Variants in EEFSEC observed in about 807,000 individuals in gnomAD.
The protein encoded by EEFSEC is eukaryotic elongation factor, selenocysteine-tRNA specific, also known as selenocysteine-specific elongation factor.
Under a neutral mutation model 42.1 loss-of-function variants are expected in EEFSEC, and 43 were observed. The observed-to-expected ratio is 1.02, with a 90% CI of 0.80 to 1.32. EEFSEC has a LOEUF of 1.32. EEFSEC is among the 40% of genes most tolerant of loss of function. The pLI, the probability that EEFSEC is intolerant of heterozygous loss-of-function variation, is 0.00. For synonymous variants in EEFSEC, 354 were observed against 339.1 expected, an observed-to-expected ratio of 1.04 and a Z score of -0.48; for missense variants, 745 against 803.6, an observed-to-expected ratio of 0.93 and a Z score of 0.88.
chr3:128,176,487 A>C (rs1002418492), intron 1 of EEFSEC, among the ~76,000 whole-genome samples: 32 of 152,306 alleles, frequency 2.1e-4, no homozygotes, highest in African/African-American at 7.5e-4. Flanking sequence ...GGGAGAGACC[A>C]GTCTGCTGGA....
intron 1 of EEFSEC, among the ~76,000 whole-genome samples, chr3:128,159,565 G>A (rs1944443231): frequency 6.6e-6 from 1 of 152,090 alleles, no homozygotes; most frequent in Non-Finnish European, 1.5e-5. Context: ...GTAAAATCCA[G>A]CCACTTTGTG....
At chr3:128,257,558 C>T (rs1475408410) in intron 2 of EEFSEC, among the ~76,000 whole-genome samples, 3 of 152,206 alleles carry the variant, frequency 2.0e-5, no homozygotes, top group Admixed American at 2.0e-4. Flanking sequence ...AACCTCCCTG[C>T]AGGTCTTTTA....
chr3:128,181,105 C>A (rs986930593), intron 1 of EEFSEC, among the ~76,000 whole-genome samples: 2 of 152,152 alleles, frequency 1.3e-5, no homozygotes, highest in African/African-American at 4.8e-5. Flanking sequence ...TGGGGACTGA[C>A]CATGTCCTTT....
Position 128,402,047 on chromosome 3 carries a change from C to G in EEFSEC, c.1601-6022C>G, listed in dbSNP as rs542313483. Among the ~76,000 whole-genome samples the G allele has an allele frequency of 3.7e-4, 57 of 152,320 alleles. 2 individuals carry two copies. In the South Asian group the frequency reaches 0.011, roughly 30 times the overall value. On this transcript the variant is annotated intron_variant, in intron 6 of 6. Coordinates refer to ENST00000254730, the MANE Select transcript of EEFSEC (RefSeq NM_021937.5). ...TGAGCAGGTTCCAGCCAGATTGCAC[C>G]GGTAGGCACCGTGCCTTCTCTGGGC...
intron 4 of EEFSEC, among the ~76,000 whole-genome samples, chr3:128,302,379 G>A (rs1328199621): frequency 6.6e-6 from 1 of 152,206 alleles, no homozygotes; most frequent in Non-Finnish European, 1.5e-5. Flanking sequence ...AGCTGGGTTA[G>A]TGCCCCTTGT....
chr3:128,278,788 G>C (rs2066494235), intron 4 of EEFSEC, among the ~76,000 whole-genome samples: 1 of 152,154 alleles, frequency 6.6e-6, no homozygotes. Flanking sequence ...GCAGGGGAGG[G>C]TATTTCTAGG....
At chr3:128,318,256 C>A (rs2066969769) in intron 4 of EEFSEC, among the ~76,000 whole-genome samples, 1 of 152,248 alleles carries the variant, frequency 6.6e-6, no homozygotes, top group African/African-American at 2.4e-5. Flanking sequence ...CGACTAGTGG[C>A]AAGTGCTGTC....
chr3:128,301,793 C>G (rs969663027), intron 4 of EEFSEC, among the ~76,000 whole-genome samples: 3 of 152,094 alleles, frequency 2.0e-5, no homozygotes, highest in Admixed American at 1.3e-4. Flanking sequence ...AAGGGACTTA[C>G]ACATGTCGCA....
intron 1 of EEFSEC, among the ~76,000 whole-genome samples, chr3:128,155,483 A>C (rs564594474): frequency 6.6e-6 from 1 of 152,358 alleles, no homozygotes; most frequent in South Asian, 2.1e-4. Flanking sequence ...ATATGGATAG[A>C]GTTTTAAAAC....
intron 1 of EEFSEC, among the ~76,000 whole-genome samples, chr3:128,204,752 G>T (rs2065675572): frequency 6.6e-6 from 1 of 152,034 alleles, no homozygotes; most frequent in South Asian, 2.1e-4. Context: ...TAAGTGTGCT[G>T]AGCAGTCTGT....
At chr3:128,206,988 T>C (rs1328511596) in intron 1 of EEFSEC, among the ~76,000 whole-genome samples, 3 of 152,184 alleles carry the variant, frequency 2.0e-5, no homozygotes, top group Non-Finnish European at 4.4e-5. Context: ...GCAGCACTTC[T>C]GCCTGCAGCT....
At chr3:128,165,198 G>A (rs1307348313) in intron 1 of EEFSEC, among the ~76,000 whole-genome samples, 1 of 152,200 alleles carries the variant, frequency 6.6e-6, no homozygotes, top group Non-Finnish European at 1.5e-5. Context: ...CTAGAAATGA[G>A]GCTCTGAGCA....
intron 4 of EEFSEC, among the ~76,000 whole-genome samples, chr3:128,323,942 G>T (rs1046627842): frequency 6.6e-6 from 1 of 152,198 alleles, no homozygotes; most frequent in East Asian, 1.9e-4. Context: ...TGTGGCAGGG[G>T]CTCCCTCAGC....
intron 6 of EEFSEC, among the ~76,000 whole-genome samples, chr3:128,364,416 C>T (rs536697348): frequency 6.6e-6 from 1 of 152,132 alleles, no homozygotes; most frequent in Non-Finnish European, 1.5e-5. Context: ...GAAGGGCGAG[C>T]GGGGAGCAGA....
chr3:128,420,521 G>A, the EEFSEC span, among the ~76,000 whole-genome samples: 1 of 152,170 alleles, frequency 6.6e-6, no homozygotes, highest in African/African-American at 2.4e-5. Flanking sequence ...AGGCCTCCAC[G>A]CCTGGGATCC....
At chr3:128,272,062 G>T (rs1003225568) in intron 4 of EEFSEC, among the ~76,000 whole-genome samples, 9 of 152,210 alleles carry the variant, frequency 5.9e-5, no homozygotes, top group African/African-American at 2.2e-4. Context: ...TAGGCTCAGG[G>T]CTGGAGACGT....
intron 5 of EEFSEC, among the ~76,000 whole-genome samples, chr3:128,355,464 C>A (rs908056223): frequency 1.3e-5 from 2 of 152,004 alleles, no homozygotes; most frequent in East Asian, 1.9e-4. Context: ...GCATGAGGAC[C>A]CTGGGGGTGA....
chr3:128,381,148 C>T (rs1357077158), intron 6 of EEFSEC, among the ~76,000 whole-genome samples: 1 of 152,164 alleles, frequency 6.6e-6, no homozygotes, highest in African/African-American at 2.4e-5. Context: ...AGGCCCCTGG[C>T]TTGCTCCATG....
At chr3:128,296,965 C>A (rs2066713136) in intron 4 of EEFSEC, among the ~76,000 whole-genome samples, 1 of 152,130 alleles carries the variant, frequency 6.6e-6, no homozygotes, top group African/African-American at 2.4e-5. Flanking sequence ...CAGGGAGGGA[C>A]CTCTGGAGTC....
Sources: gnomAD v4.1 joint callset for allele counts (sites outside exome capture counted in the v4.1 genomes callset) on GRCh38, gnomAD v4.1.1 for gene constraint, MANE v1.5 for transcripts, NCBI Gene and HGNC (gene_info 2026-07-23, HGNC 2026-07-21) for gene names.